The following ADAMTS19 variants were observed in gnomAD, a reference collection of about 807,000 sequenced individuals.
ADAMTS19 encodes A disintegrin and metalloproteinase with thrombospondin motifs 19.
A neutral mutation model predicts 153.3 loss-of-function variants in ADAMTS19; 93 were observed. That is an observed-to-expected ratio of 0.61 (90% CI 0.51 to 0.72). ADAMTS19 has a LOEUF of 0.72. ADAMTS19 is among the 30% of genes least tolerant of loss of function. The pLI is 0.00. For missense variants in ADAMTS19, 1,482 were observed against 1,552.1 expected, an observed-to-expected ratio of 0.95 and a Z score of 0.76; for synonymous variants, 600 against 556.6, an observed-to-expected ratio of 1.08 and a Z score of -1.10.
chr5:129,537,973 T>C (rs1752513645), intron 6 of ADAMTS19, among the ~76,000 whole-genome samples: 1 of 151,686 alleles, frequency 6.6e-6, no homozygotes, highest in East Asian at 1.9e-4. Context: ...GAGTAGTAAA[T>C]TGAAGTTGGT....
At chr5:129,468,796 TG>T (rs1213026041) in intron 2 of ADAMTS19, among the ~76,000 whole-genome samples, 1 of 152,094 alleles carries the variant, frequency 6.6e-6, no homozygotes, top group Non-Finnish European at 1.5e-5. Flanking sequence ...ATTATTTTAA[TG>T]ATGGATTCTT....
At chr5:129,737,016 T>A (rs759119595) in intron 22 of ADAMTS19, 51 bp from the exon 23 acceptor site, 18 of 1,435,796 alleles carry the variant, frequency 1.3e-5, no homozygotes, top group Non-Finnish European at 1.7e-5. Flanking sequence ...TGGTTTTTAC[T>A]GACATATATG....
chr5:129,597,172 T>C (rs2126921249), intron 8 of ADAMTS19, among the ~76,000 whole-genome samples: 1 of 152,282 alleles, frequency 6.6e-6, no homozygotes, highest in East Asian at 1.9e-4. Flanking sequence ...GTTATAAACA[T>C]TTTCAATAGA....
chr5:129,463,322 A>C (rs1030319040), intron 2 of ADAMTS19, among the ~76,000 whole-genome samples: 1 of 145,004 alleles, frequency 6.9e-6, no homozygotes, highest in African/African-American at 2.8e-5. Flanking sequence ...GCAAAGTTAG[A>C]ATTATAAGTA....
chr5:129,680,737 G>C (rs982463076), intron 17 of ADAMTS19, among the ~76,000 whole-genome samples: 88 of 150,604 alleles, frequency 5.8e-4, no homozygotes, highest in African/African-American at 8.4e-4. Context: ...ACTCCAGCCT[G>C]GGTGACAGAG....
At chr5:129,727,940 G>A (rs891623119) in intron 21 of ADAMTS19, among the ~76,000 whole-genome samples, 14 of 152,106 alleles carry the variant, frequency 9.2e-5, no homozygotes, top group Non-Finnish European at 1.5e-5. Context: ...GGCATTATAA[G>A]TCACAGGATG....
chr5:129,576,443 A>G (rs190457619), intron 7 of ADAMTS19, among the ~76,000 whole-genome samples: 1 of 152,250 alleles, frequency 6.6e-6, no homozygotes, highest in Non-Finnish European at 1.5e-5. Flanking sequence ...ATTATACTAA[A>G]TTAGGCAAAG....
In ADAMTS19 at chr5:129,663,212, T is replaced by TC. The variant is rs563307391; in HGVS notation, c.2426-2284dup. On this transcript the variant is annotated intron_variant, in intron 15 of 22. Coordinates refer to ENST00000274487, the MANE Select transcript of ADAMTS19 (RefSeq NM_133638.6). ...CCCGGCCCCATTCCTTTATCTTTTT[T>TC]CCCGATTTATTTTTATCTCTTTGTT... Among the ~76,000 whole-genome samples, 3 of 152,292 alleles carry TC rather than the reference T, an allele frequency of 2.0e-5. 1 individual carries two copies. In the South Asian group the frequency reaches 6.2e-4, roughly 32 times the overall value.
chr5:129,653,018 C>G (rs1025647338), intron 13 of ADAMTS19, among the ~76,000 whole-genome samples: 1 of 152,086 alleles, frequency 6.6e-6, no homozygotes, highest in Non-Finnish European at 1.5e-5. Context: ...TTCCAACTCC[C>G]CAAAATTGTT....
At chr5:129,648,131 T>C (rs184232999) in intron 12 of ADAMTS19, among the ~76,000 whole-genome samples, 4 of 152,242 alleles carry the variant, frequency 2.6e-5, no homozygotes, top group African/African-American at 7.2e-5. Context: ...CTTGAGTAAA[T>C]CTATAAAATA....
At chr5:129,730,928 TTTTTG>T (rs143197904) in intron 21 of ADAMTS19, among the ~76,000 whole-genome samples, 82,146 of 147,164 alleles carry the variant, frequency 0.56, 23,156 homozygotes, top group East Asian at 0.62. Context: ...TGTTGTTGTT[TTTTTG>T]TTTTGTTTTG....
intron 8 of ADAMTS19, among the ~76,000 whole-genome samples, chr5:129,616,093 G>A (rs1242238172): frequency 6.6e-6 from 1 of 151,828 alleles, no homozygotes; most frequent in Non-Finnish European, 1.5e-5. Flanking sequence ...TGACTTGCCA[G>A]TAAAAGTAGG....
At chr5:129,679,440 C>T (rs1754700230) in intron 16 of ADAMTS19, among the ~76,000 whole-genome samples, 1 of 152,124 alleles carries the variant, frequency 6.6e-6, no homozygotes, top group African/African-American at 2.4e-5. Context: ...AATAGATACA[C>T]ATAGCCTGAA....
intron 19 of ADAMTS19, 135 bp downstream of exon 19, chr5:129,694,990 T>G: frequency 8.7e-7 from 1 of 1,145,440 alleles, no homozygotes; most frequent in South Asian, 2.6e-5. Flanking sequence ...ATTTAAAGTC[T>G]TAAATAAGCA....
At chr5:129,708,589 G>GAAAAAAA (rs1491469552) in intron 21 of ADAMTS19, among the ~76,000 whole-genome samples, 1 of 12,980 alleles carries the variant, frequency 7.7e-5, no homozygotes, top group East Asian at 2.0e-3. Context: ...CAGCAGAGAA[G>GAAAAAAA]CAAAAAAAAA....
chr5:129,528,447 A>T, intron 5 of ADAMTS19, 73 bp from the exon 6 acceptor site: 1 of 1,192,772 alleles, frequency 8.4e-7, no homozygotes, highest in Non-Finnish European at 1.1e-6. Flanking sequence ...TGCCTTTGTT[A>T]TTGTTGTTGT....
chr5:129,602,078 G>A (rs1011633055), intron 8 of ADAMTS19, among the ~76,000 whole-genome samples: 1 of 152,184 alleles, frequency 6.6e-6, no homozygotes, highest in Non-Finnish European at 1.5e-5. Flanking sequence ...ACTCTTTACT[G>A]CAAAATTACA....
intron 21 of ADAMTS19, among the ~76,000 whole-genome samples, chr5:129,732,001 G>A (rs1388371849): frequency 1.3e-5 from 2 of 151,982 alleles, no homozygotes; most frequent in South Asian, 4.2e-4. Flanking sequence ...TAAAATAACG[G>A]TATTTTCTCA....
chr5:129,649,381 A>G (rs1753213204), intron 13 of ADAMTS19, among the ~76,000 whole-genome samples: 1 of 152,258 alleles, frequency 6.6e-6, no homozygotes, highest in South Asian at 2.1e-4. Flanking sequence ...AGCACTAAAG[A>G]GGAGCAAACT....
Sources: gnomAD v4.1 joint callset for allele counts (sites outside exome capture counted in the v4.1 genomes callset) on GRCh38, gnomAD v4.1.1 for gene constraint, MANE v1.5 for transcripts, NCBI Gene and HGNC (gene_info 2026-07-23, HGNC 2026-07-21) for gene names.